Variants in ITIH5 observed in about 807,000 individuals in gnomAD.
ITIH5 encodes the protein inter-alpha-trypsin inhibitor heavy chain 5.
A neutral mutation model predicts 77.5 loss-of-function variants in ITIH5; 65 were observed. The ratio of observed to expected loss-of-function variants is 0.84; its 90% CI spans 0.69 to 1.03. The LOEUF is 1.03. Ranked by LOEUF, ITIH5 falls within the 50% of genes least tolerant of loss-of-function variation. The pLI is 0.00. For synonymous variants in ITIH5, 525 were observed against 494.3 expected (o/e 1.06, Z -0.82); for missense variants, 1,208 against 1,213.1 (o/e 1.00, Z 0.06).
chr10:7,649,629 T>G (rs58808519), intron 2 of ITIH5, among the ~76,000 whole-genome samples: 20,072 of 152,056 alleles, frequency 0.13, 1,507 homozygotes, highest in East Asian at 0.3. Flanking sequence ...AGTAAGAAAA[T>G]GTTTTAAAAC....
chr10:7,562,674 G>T lies in ITIH5; in HGVS notation c.*409C>A. On this transcript the variant is annotated 3_prime_UTR_variant, in exon 14 of 14. Coordinates refer to ENST00000397146, the MANE Select transcript of ITIH5 (RefSeq NM_030569.7). ...GCATTAGTGTAAGGCAAAAAGCAGAGTGCCTAAACTTGTCCATTTCCACCA... is the reference window on the plus strand; with the variant it reads ...GCATTAGTGTAAGGCAAAAAGCAGATTGCCTAAACTTGTCCATTTCCACCA... The T allele has an allele frequency of 4.8e-6, 1 of 209,142 alleles. No homozygotes were observed. The highest frequency in any genetic ancestry group is 9.8e-6 in the Non-Finnish European group (1 of 102,410). The allele number at this position is 209,142 out of a possible 1,614,324, so 13.0% of individuals were successfully genotyped here.
At chr10:7,640,907 C>T (rs17142884) in intron 3 of ITIH5, 52 bp from the exon 4 acceptor site, 1 of 1,175,288 alleles carries the variant, frequency 8.5e-7, no homozygotes, top group African/African-American at 1.5e-5. Flanking sequence ...AAGACAAATT[C>T]AGACATGGAT....
intron 1 of ITIH5, 117 bp from the exon 2 acceptor site, chr10:7,655,792 C>T (rs1320907791): frequency 3.8e-6 from 3 of 786,382 alleles, no homozygotes; most frequent in Admixed American, 4.7e-5. Flanking sequence ...TATTCAGATT[C>T]ACCAAAAGCT....
chr10:7,565,481 A>G (rs1313466094), intron 13 of ITIH5, among the ~76,000 whole-genome samples: 1 of 150,632 alleles, frequency 6.6e-6, no homozygotes, highest in East Asian at 1.9e-4. Flanking sequence ...GTACATATAC[A>G]GACTGATTAT....
chr10:7,610,763 C>T (rs1311550969), intron 7 of ITIH5, among the ~76,000 whole-genome samples: 2 of 152,228 alleles, frequency 1.3e-5, no homozygotes, highest in African/African-American at 2.4e-5. Flanking sequence ...GATTTCAAAA[C>T]CACTCAAGGC....
At position 7,573,171 on chromosome 10, in the gene ITIH5, T is replaced by C. The variant is rs1188306580; in HGVS notation, c.2003A>G (p.Gln668Arg). The C allele has an allele frequency of 6.2e-7, 1 of 1,613,844 alleles. No homozygotes were observed. Among genetic ancestry groups the C allele is most frequent in the Non-Finnish European group, 8.5e-7 (1 of 1,179,782 alleles). Reference sequence around the variant, plus strand: ...TGTTTTAGAGATTTTAATTCTTGGCTGGTATGGCTTCTTGAGCAAAGGTCC... The same window carrying C: ...TGTTTTAGAGATTTTAATTCTTGGCCGGTATGGCTTCTTGAGCAAAGGTCC... Reference protein sequence around the residue: ...QPGPLLKKPYQPRIKISKTSV... With the variant: ...QPGPLLKKPYRPRIKISKTSV... Residue 668 changes from glutamine to arginine, a missense_variant, in exon 11 of 14, where the codon CAG becomes CGG. Coordinates refer to ENST00000397146, the MANE Select transcript of ITIH5 (RefSeq NM_030569.7).
At chr10:7,586,183 T>A in intron 7 of ITIH5, 114 bp from the exon 8 acceptor site, 1 of 940,262 alleles carries the variant, frequency 1.1e-6, no homozygotes, top group South Asian at 1.8e-5. Context: ...AAATTCAGTG[T>A]CAGCTATGTA....
At chr10:7,589,163 G>A (rs1358366070) in intron 7 of ITIH5, among the ~76,000 whole-genome samples, 1 of 152,140 alleles carries the variant, frequency 6.6e-6, no homozygotes, top group Non-Finnish European at 1.5e-5. Context: ...CATCCTTGCA[G>A]AAGGCACTCA....
intron 7 of ITIH5, among the ~76,000 whole-genome samples, chr10:7,614,501 AGTATTGTTAGTGTGAGT>A (rs1231480086): frequency 6.6e-6 from 1 of 152,096 alleles, no homozygotes; most frequent in Non-Finnish European, 1.5e-5. Context: ...TTAGCTCATT[AGTATTGTTAGTGTGAGT>A]GTATTTTATG....
chr10:7,632,642 C>T (rs1233461275), intron 5 of ITIH5, among the ~76,000 whole-genome samples: 3 of 152,100 alleles, frequency 2.0e-5, no homozygotes, highest in Non-Finnish European at 4.4e-5. Flanking sequence ...ATATCACACC[C>T]AAAAGTACAG....
intron 2 of ITIH5, among the ~76,000 whole-genome samples, chr10:7,649,888 A>C (rs985259061): frequency 2.6e-5 from 4 of 152,240 alleles, no homozygotes; most frequent in African/African-American, 9.6e-5. Context: ...CAGTGGCCTC[A>C]CTTTTTCCCA....
rs144138261 is a variant in ITIH5, at chr10:7,563,654, C to T, written c.2528-270G>A. 2.9e-3 allele frequency among the ~76,000 whole-genome samples: 444 copies of T among 152,322 alleles called. 5 individuals are homozygous for T. The highest frequency in any genetic ancestry group is 0.01 in the African/African-American group (420 of 41,584). Reference sequence around the variant, plus strand: ...TGTAACCTACACATAGTGATAACCACGGTCTCCTACTGAGTCCAGAGGACA... The same window carrying T: ...TGTAACCTACACATAGTGATAACCATGGTCTCCTACTGAGTCCAGAGGACA... On this transcript the variant is annotated intron_variant, in intron 13 of 13. Coordinates refer to ENST00000397146, the MANE Select transcript of ITIH5 (RefSeq NM_030569.7).
rs562404271 is a variant in ITIH5 at position 7,662,133 on chromosome 10, C to A, written c.90+4670G>T. On this transcript the variant is annotated intron_variant, in intron 1 of 13. Coordinates refer to ENST00000397146, the MANE Select transcript of ITIH5 (RefSeq NM_030569.7). The stretch of plus-strand genomic sequence containing the variant: ...AGCACTTTGGGAGGTCAAGGCAGGC[C>A]GATCATCTGAGATCAGGAGTTCGAG... Among the ~76,000 whole-genome samples, 6 of 152,068 alleles carry A rather than the reference C, an allele frequency of 3.9e-5. No homozygotes were observed. In the East Asian group the frequency reaches 1.2e-3, roughly 29 times the overall value.
At chr10:7,618,313 G>A (rs900854282) in intron 5 of ITIH5, 1 of 151,638 alleles carries the variant, frequency 6.6e-6, no homozygotes, top group Admixed American at 6.6e-5. Context: ...TTTTTCACAT[G>A]AAATTTAGGA....
At chr10:7,652,251 C>G (rs1834113440) in intron 2 of ITIH5, among the ~76,000 whole-genome samples, 1 of 152,064 alleles carries the variant, frequency 6.6e-6, no homozygotes, top group Admixed American at 6.6e-5. Context: ...ACGGGAGTAC[C>G]AGCTGTTGCC....
intron 7 of ITIH5, among the ~76,000 whole-genome samples, chr10:7,613,037 G>A (rs1833282518): frequency 6.6e-6 from 1 of 152,164 alleles, no homozygotes; most frequent in Non-Finnish European, 1.5e-5. Flanking sequence ...CTGAGGTTAG[G>A]AGTTCGAGAC....
intron 2 of ITIH5, among the ~76,000 whole-genome samples, chr10:7,654,659 AC>A (rs1358512541): frequency 6.6e-6 from 1 of 152,242 alleles, no homozygotes; most frequent in African/African-American, 2.4e-5. Context: ...GGAATGGCAC[AC>A]ATGCTTTGAC....
intron 1 of ITIH5, among the ~76,000 whole-genome samples, chr10:7,658,556 T>C (rs1588433012): frequency 2.0e-5 from 3 of 152,224 alleles, no homozygotes; most frequent in African/African-American, 7.2e-5. Context: ...GCCCAGGGTG[T>C]CGGGGCACAG....
At chr10:7,654,512 A>G (rs994914621) in intron 2 of ITIH5, among the ~76,000 whole-genome samples, 10 of 152,254 alleles carry the variant, frequency 6.6e-5, no homozygotes, top group Non-Finnish European at 4.4e-5. Flanking sequence ...ATCTCCCTCC[A>G]GGAGCAAAGA....
Sources: allele counts gnomAD v4.1 joint callset (sites outside exome capture counted in the v4.1 genomes callset), GRCh38; gene constraint gnomAD v4.1.1; transcripts MANE v1.5; gene names NCBI Gene and HGNC (gene_info 2026-07-23, HGNC 2026-07-21).